TTC28: variants seen among roughly 807,000 people sequenced by gnomAD.
The protein encoded by TTC28 is tetratricopeptide repeat domain 28, also known as tetratricopeptide repeat protein 28.
TTC28 carries 61 observed loss-of-function variants against 198.0 expected under a neutral mutation model. The observed-to-expected ratio is 0.31, with a 90% CI of 0.25 to 0.38. The LOEUF is 0.38. Ranked by LOEUF, TTC28 falls within the 10% of genes least tolerant of loss-of-function variation. The pLI is 1.00. For synonymous variants in TTC28, 1,171 were observed against 1,297.8 expected (o/e 0.90, Z 2.10); for missense variants, 2,678 against 3,164.0 (o/e 0.85, Z 3.69).
rs1601591260 is a variant in TTC28 at position 28,582,539 on chromosome 22, G to A, written c.381+47013C>T. Among the ~76,000 whole-genome samples, 3 of 152,090 alleles carry A rather than the reference G, an allele frequency of 2.0e-5. No individual in the cohort carries two copies. In the South Asian group the frequency reaches 6.2e-4, roughly 32 times the overall value. On this transcript the variant is annotated intron_variant, in intron 2 of 22. Coordinates refer to ENST00000397906, the MANE Select transcript of TTC28 (RefSeq NM_001145418.2). ...AAATATAAACATTAAAATGAGAAAA[G>A]GAGATTGAAATCCATGAAATGATAT...
At chr22:28,349,019 T>C (rs570651164) in intron 2 of TTC28, among the ~76,000 whole-genome samples, 263 of 152,134 alleles carry the variant, frequency 1.7e-3, no homozygotes, top group African/African-American at 6.0e-3. Flanking sequence ...ACAAAATCAA[T>C]AATCTGCTGC....
At chr22:28,164,698 C>G (rs1921676805) in intron 5 of TTC28, among the ~76,000 whole-genome samples, 1 of 152,152 alleles carries the variant, frequency 6.6e-6, no homozygotes, top group South Asian at 2.1e-4. Context: ...GGGGAAAATA[C>G]AAAGCAGAAA....
At chr22:28,339,434 T>A (rs2045791028) in intron 2 of TTC28, among the ~76,000 whole-genome samples, 1 of 152,164 alleles carries the variant, frequency 6.6e-6, no homozygotes, top group South Asian at 2.1e-4. Context: ...ACAGGGACAT[T>A]TAAGTCTGCA....
At position 27,993,349 on chromosome 22, in the gene TTC28, A is replaced by G. The variant is rs1446626910; in HGVS notation, c.5414T>C (p.Phe1805Ser). ...CCGGTCGCCCGGGTCGGAGGTTGGG[A>G]AGAAGACAGCCGCTGGCAGGCCACT... ...PTSGLPAAVF[F>S]PTSDPGDRLQ... is the part of the protein sequence containing the mutation. Residue 1805 changes from phenylalanine to serine, a missense_variant, in exon 18 of 23, where the codon TTC (phenylalanine) becomes TCC (serine). Physicochemically the swap from Phe to Ser is radical, Grantham distance 155. This residue lies in a region of TTC28 where 314 missense variants were observed against 442.7 expected (regional missense o/e 0.71). Transcript: ENST00000397906. The G allele has an allele frequency of 6.4e-7, 1 of 1,550,538 alleles. No individual in the cohort carries two copies. The highest frequency in any genetic ancestry group is 1.4e-5 in the African/African-American group (1 of 73,036).
chr22:28,148,779 C>T (rs757218458), intron 6 of TTC28, among the ~76,000 whole-genome samples: 4 of 151,962 alleles, frequency 2.6e-5, no homozygotes, highest in Non-Finnish European at 4.4e-5. Context: ...GCCATTGCTC[C>T]CAGAACTAGT....
chr22:28,054,367 T>C (rs912335527), intron 12 of TTC28, among the ~76,000 whole-genome samples: 9 of 152,194 alleles, frequency 5.9e-5, no homozygotes, highest in African/African-American at 2.2e-4. Flanking sequence ...GTCAGCTGGC[T>C]GCTATGTATG....
At chr22:28,347,938 GT>G (rs1460010526) in intron 2 of TTC28, among the ~76,000 whole-genome samples, 2 of 152,252 alleles carry the variant, frequency 1.3e-5, no homozygotes, top group Admixed American at 1.3e-4. Context: ...AAGCAGTGGG[GT>G]TTTGGCATCT....
intron 12 of TTC28, among the ~76,000 whole-genome samples, chr22:28,043,552 G>C (rs1180893759): frequency 6.6e-6 from 1 of 152,052 alleles, no homozygotes; most frequent in Non-Finnish European, 1.5e-5. Context: ...GTCTGCAGCG[G>C]GAGGTGCCAA....
chr22:28,443,073 C>T (rs2047649559), intron 2 of TTC28: 1 of 152,254 alleles, frequency 6.6e-6, no homozygotes, highest in Admixed American at 6.5e-5. Flanking sequence ...AGTCTTTTCG[C>T]CTTCAGTTCA....
At chr22:28,178,686 T>A (rs1923412659) in intron 5 of TTC28, among the ~76,000 whole-genome samples, 1 of 152,200 alleles carries the variant, frequency 6.6e-6, no homozygotes. Flanking sequence ...TTAGATGAAT[T>A]CTGTCTGTCC....
At chr22:28,591,250 G>A (rs1368979892) in intron 2 of TTC28, among the ~76,000 whole-genome samples, 2 of 150,370 alleles carry the variant, frequency 1.3e-5, no homozygotes, top group Non-Finnish European at 3.0e-5. Context: ...CTAAACTGCA[G>A]GTACACACCA....
At chr22:28,205,091 C>T (rs1256959215) in intron 5 of TTC28, among the ~76,000 whole-genome samples, 1 of 151,980 alleles carries the variant, frequency 6.6e-6, no homozygotes, top group African/African-American at 2.4e-5. Flanking sequence ...TGAAATATTA[C>T]CTATAGTGTT....
intron 2 of TTC28, among the ~76,000 whole-genome samples, chr22:28,550,178 T>C (rs142943810): frequency 1.1e-4 from 17 of 152,328 alleles, no homozygotes; most frequent in African/African-American, 3.8e-4. Context: ...AATGGTATTA[T>C]TGACATTTTG....
At position 28,599,015 on chromosome 22, in the gene TTC28, C is replaced by A. The variant is rs552392449; in HGVS notation, c.381+30537G>T. 1.9e-4 allele frequency among the ~76,000 whole-genome samples: 29 copies of A among 152,270 alleles called. No homozygotes were observed. In the South Asian group the frequency reaches 4.8e-3, roughly 25 times the overall value. ...GCAAGATTCTTACAAGACAAACACA[C>A]ATCAAAATCAAGAATAAAACTACTT... On this transcript the variant is annotated intron_variant, in intron 2 of 22. Coordinates refer to ENST00000397906, the MANE Select transcript of TTC28 (RefSeq NM_001145418.2).
At chr22:28,345,804 C>T (rs927780734) in intron 2 of TTC28, among the ~76,000 whole-genome samples, 3 of 152,036 alleles carry the variant, frequency 2.0e-5, no homozygotes, top group African/African-American at 4.8e-5. Flanking sequence ...TGAACAGTAA[C>T]GTAGTACAAC....
At chr22:28,062,172 C>A (rs926682872) in intron 12 of TTC28, among the ~76,000 whole-genome samples, 1 of 152,124 alleles carries the variant, frequency 6.6e-6, no homozygotes, top group Admixed American at 6.6e-5. Flanking sequence ...ATTCTCCTGC[C>A]TCAGCCGCCT....
At chr22:28,032,210 A>G (rs1379831698) in intron 12 of TTC28, among the ~76,000 whole-genome samples, 1 of 116,858 alleles carries the variant, frequency 8.6e-6, no homozygotes, top group Non-Finnish European at 1.8e-5. Flanking sequence ...TATAAAATAT[A>G]TATATATAAA....
intron 12 of TTC28, among the ~76,000 whole-genome samples, chr22:28,079,596 C>G (rs1941273206): frequency 1.3e-5 from 2 of 152,116 alleles, no homozygotes; most frequent in South Asian, 4.1e-4. Flanking sequence ...GTGAAATAAG[C>G]CAATCACACA....
chr22:28,480,011 C>T (rs1425211375), intron 2 of TTC28, among the ~76,000 whole-genome samples: 1 of 152,120 alleles, frequency 6.6e-6, no homozygotes, highest in African/African-American at 2.4e-5. Context: ...TGAGCATCTC[C>T]TTGCTGAGGG....
Sources: allele counts gnomAD v4.1 joint callset (sites outside exome capture counted in the v4.1 genomes callset), GRCh38; gene constraint gnomAD v4.1.1; regional missense constraint gnomAD v4.1.1; transcripts MANE v1.5; gene names NCBI Gene and HGNC (gene_info 2026-07-23, HGNC 2026-07-21).